TNFSF4: variants seen among roughly 807,000 people sequenced by gnomAD.
TNFSF4 encodes tumor necrosis factor ligand superfamily member 4.
A neutral mutation model predicts 7.3 loss-of-function variants in TNFSF4; 4 were observed. The ratio of observed to expected loss-of-function variants is 0.55; its 90% CI spans 0.27 to 1.25. The LOEUF (loss-of-function observed/expected upper bound fraction) is 1.25, where lower values mean the gene tolerates loss of function less well. Among genes scored for constraint, TNFSF4 ranks in the 50% most tolerant of loss-of-function variants. The pLI is 0.12. For synonymous variants in TNFSF4, 76 were observed against 83.7 expected (o/e 0.91, Z 0.50); for missense variants, 181 against 208.8 (o/e 0.87, Z 0.82).
chr1:173,442,545 G>GTTTTTTTTTTTTTTTTTTTTTT, the TNFSF4 span, among the ~76,000 whole-genome samples: 12 of 93,450 alleles, frequency 1.3e-4, 5 homozygotes, highest in Non-Finnish European at 2.2e-4. Flanking sequence ...TTTCGTTTTT[G>GTTTTTTTTTTTTTTTTTTTTTT]TTTTTGTTTT....
At chr1:173,212,525 C>A in the TNFSF4 span, among the ~76,000 whole-genome samples, 2 of 147,538 alleles carry the variant, frequency 1.4e-5, no homozygotes, top group Admixed American at 1.4e-4. Context: ...TCTTGTAATT[C>A]TTTAAATCTA....
At chr1:173,407,559 CAAAAAA>C in the TNFSF4 span, among the ~76,000 whole-genome samples, 1 of 72,066 alleles carries the variant, frequency 1.4e-5, no homozygotes. Context: ...GACTCTGCCT[CAAAAAA>C]AAAAAAAAAA....
intron 1 of TNFSF4, chr1:173,205,449 G>A: frequency 6.4e-7 from 1 of 1,558,340 alleles, no homozygotes; most frequent in Non-Finnish European, 8.7e-7. Context: ...AGTCCAATGT[G>A]ACCCCAACCA....
the TNFSF4 span, among the ~76,000 whole-genome samples, chr1:173,420,552 T>C: frequency 7.2e-3 from 1,089 of 151,420 alleles, 8 homozygotes; most frequent in African/African-American, 0.025. Flanking sequence ...CCTTTTTTTT[T>C]CCTGGCCAGT....
chr1:173,174,191 G>A, the TNFSF4 span: 1 of 152,148 alleles, frequency 6.6e-6, no homozygotes, highest in African/African-American at 2.4e-5. Flanking sequence ...GTCCCAATGA[G>A]TTCCTCATCT....
the TNFSF4 span, among the ~76,000 whole-genome samples, chr1:173,222,146 C>T: frequency 6.6e-6 from 1 of 152,060 alleles, no homozygotes; most frequent in Non-Finnish European, 1.5e-5. Context: ...CAATAGATCA[C>T]CAGTGTGTGG....
At chr1:173,279,693 A>G in the TNFSF4 span, among the ~76,000 whole-genome samples, 2 of 151,860 alleles carry the variant, frequency 1.3e-5, no homozygotes, top group Middle Eastern at 3.4e-3. Flanking sequence ...CCTTACCTAC[A>G]CTCCAAAAAC....
the TNFSF4 span, among the ~76,000 whole-genome samples, chr1:173,342,996 T>C: frequency 6.6e-6 from 1 of 152,182 alleles, no homozygotes; most frequent in Non-Finnish European, 1.5e-5. Flanking sequence ...GACACAATGC[T>C]CTGTGGTGGT....
chr1:173,189,726 G>A (rs1022106730), intron 1 of TNFSF4, among the ~76,000 whole-genome samples: 6 of 151,934 alleles, frequency 3.9e-5, no homozygotes, highest in Non-Finnish European at 5.9e-5. Context: ...CACCTGTGTG[G>A]GCATTGAAAG....
the TNFSF4 span, among the ~76,000 whole-genome samples, chr1:173,428,320 T>A: frequency 2.0e-5 from 3 of 152,192 alleles, no homozygotes; most frequent in African/African-American, 7.2e-5. Context: ...GGGGCATGAC[T>A]GTACTAATTT....
chr1:173,191,280 G>A (rs1353514268), intron 1 of TNFSF4, among the ~76,000 whole-genome samples: 1 of 152,202 alleles, frequency 6.6e-6, no homozygotes, highest in African/African-American at 2.4e-5. Flanking sequence ...TCAACCTGGA[G>A]GAAGCTGACC....
At chr1:173,295,824 C>T in the TNFSF4 span, among the ~76,000 whole-genome samples, 1 of 151,976 alleles carries the variant, frequency 6.6e-6, no homozygotes, top group Non-Finnish European at 1.5e-5. Flanking sequence ...ACCACTCTTC[C>T]ACCCAAACTT....
At chr1:173,409,235 A>G in the TNFSF4 span, among the ~76,000 whole-genome samples, 1 of 152,342 alleles carries the variant, frequency 6.6e-6, no homozygotes, top group Non-Finnish European at 1.5e-5. Context: ...AAGACTGAGG[A>G]ACTCCCCTAC....
the TNFSF4 span, among the ~76,000 whole-genome samples, chr1:173,238,622 G>A: frequency 6.6e-6 from 1 of 151,942 alleles, no homozygotes; most frequent in Non-Finnish European, 1.5e-5. Flanking sequence ...TTCAAAAGAA[G>A]ACATACATGC....
chr1:173,205,657 T>C, intron 1 of TNFSF4: 1 of 928,404 alleles, frequency 1.1e-6, no homozygotes, highest in Non-Finnish European at 1.3e-6. Context: ...GTTCTATATT[T>C]GGTTACTCTC....
At chr1:173,412,263 G>A in the TNFSF4 span, among the ~76,000 whole-genome samples, 1 of 152,126 alleles carries the variant, frequency 6.6e-6, no homozygotes. Context: ...CCCTGTGACA[G>A]TGCCCCATCT....
the TNFSF4 span, among the ~76,000 whole-genome samples, chr1:173,367,446 C>T: frequency 1.3e-5 from 2 of 152,176 alleles, no homozygotes; most frequent in South Asian, 2.1e-4. Context: ...CAGTAAAATA[C>T]ATAAATACCT....
chr1:173,370,582 C>A, the TNFSF4 span, among the ~76,000 whole-genome samples: 1 of 152,160 alleles, frequency 6.6e-6, no homozygotes, highest in Non-Finnish European at 1.5e-5. Flanking sequence ...TATATACTCC[C>A]CTGTCACCTG....
the TNFSF4 span, among the ~76,000 whole-genome samples, chr1:173,340,357 C>T: frequency 2.0e-5 from 3 of 151,664 alleles, no homozygotes; most frequent in Admixed American, 2.0e-4. Flanking sequence ...CACACACACA[C>T]ACACACACAC....
Sources: allele counts gnomAD v4.1 joint callset (sites outside exome capture counted in the v4.1 genomes callset), GRCh38; gene constraint gnomAD v4.1.1; transcripts MANE v1.5; gene names NCBI Gene and HGNC (gene_info 2026-07-23, HGNC 2026-07-21).